Variants in TJP1 observed in about 807,000 individuals in gnomAD.
TJP1 encodes the protein tight junction protein ZO-1.
Under a neutral mutation model 194.2 loss-of-function variants are expected in TJP1, and 43 were observed. That is an observed-to-expected ratio of 0.22 (90% CI 0.17 to 0.29). TJP1 has a LOEUF of 0.29. TJP1 is among the 10% of genes least tolerant of loss of function. The pLI is 1.00. For synonymous variants in TJP1, 801 were observed against 779.0 expected, an observed-to-expected ratio of 1.03 and a Z score of -0.47; for missense variants, 1,971 against 2,185.7, an observed-to-expected ratio of 0.90 and a Z score of 1.96.
chr15:29,844,762 AT>A (rs769448377), intron 2 of TJP1, among the ~76,000 whole-genome samples: 6 of 152,182 alleles, frequency 3.9e-5, no homozygotes, highest in Non-Finnish European at 8.8e-5. Context: ...TGAGTAGGCA[AT>A]TGGTGAGATC....
intron 4 of TJP1, among the ~76,000 whole-genome samples, chr15:29,768,246 G>A (rs2151596443): frequency 6.6e-6 from 1 of 152,292 alleles, no homozygotes; most frequent in Non-Finnish European, 1.5e-5. Context: ...ATGTGAAAAG[G>A]AGGACAGCCA....
chr15:29,898,980 A>T (rs118056125), intron 2 of TJP1, among the ~76,000 whole-genome samples: 2 of 152,318 alleles, frequency 1.3e-5, no homozygotes, highest in East Asian at 3.9e-4. Flanking sequence ...GCTAATATGG[A>T]TGGTTGAAAT....
chr15:29,775,114 C>T (rs1323716057), intron 2 of TJP1, among the ~76,000 whole-genome samples: 1 of 152,150 alleles, frequency 6.6e-6, no homozygotes, highest in East Asian at 1.9e-4. Context: ...TGTCTCCACG[C>T]CATAGGGGCT....
intron 5 of TJP1, 86 bp from the exon 6 acceptor site, chr15:29,762,524 T>TA (rs1295242944): frequency 2.2e-6 from 2 of 898,806 alleles, no homozygotes; most frequent in African/African-American, 1.7e-5. Context: ...ACTAATTAAC[T>TA]ACTGCATAGA....
chr15:29,860,027 G>A (rs762830218), intron 2 of TJP1, among the ~76,000 whole-genome samples: 1 of 152,316 alleles, frequency 6.6e-6, no homozygotes, highest in African/African-American at 2.4e-5. Flanking sequence ...TCCTCAAACA[G>A]GAGCTGTGGG....
At chr15:29,821,550 G>A (rs1023685473) in intron 1 of TJP1, 2 of 152,146 alleles carry the variant, frequency 1.3e-5, no homozygotes, top group Non-Finnish European at 2.9e-5. Flanking sequence ...CGAAACTACA[G>A]GGTTTCGCCG....
At chr15:29,964,966 G>T (rs1414920077) in intron 1 of TJP1, among the ~76,000 whole-genome samples, 1 of 152,132 alleles carries the variant, frequency 6.6e-6, no homozygotes, top group Non-Finnish European at 1.5e-5. Flanking sequence ...GAGATTTGTA[G>T]AGCCAATCAG....
chr15:29,916,782 T>C (rs1389723281), intron 2 of TJP1, among the ~76,000 whole-genome samples: 1 of 152,226 alleles, frequency 6.6e-6, no homozygotes, highest in African/African-American at 2.4e-5. Context: ...ATAAATTAGA[T>C]TAAAAACTAA....
chr15:29,702,665 C>G (rs1325494183), intron 27 of TJP1, among the ~76,000 whole-genome samples: 1 of 152,174 alleles, frequency 6.6e-6, no homozygotes, highest in East Asian at 1.9e-4. Context: ...CAGCTGAGAA[C>G]TTTGCTTACA....
intron 2 of TJP1, among the ~76,000 whole-genome samples, chr15:29,895,224 T>C (rs973314432): frequency 6.6e-6 from 1 of 152,198 alleles, no homozygotes; most frequent in Non-Finnish European, 1.5e-5. Context: ...TATGGACAGG[T>C]TTAGAATTGT....
chr15:29,704,037 GC>G, intron 27 of TJP1, 124 bp downstream of exon 27: 1 of 942,288 alleles, frequency 1.1e-6, no homozygotes, highest in Non-Finnish European at 1.5e-6. Flanking sequence ...CACTGGTGAT[GC>G]CTACAAGGCC....
chr15:29,745,024 G>A (rs1405969294), intron 8 of TJP1, among the ~76,000 whole-genome samples: 1 of 152,074 alleles, frequency 6.6e-6, no homozygotes, highest in Non-Finnish European at 1.5e-5. Flanking sequence ...TCATTATTAT[G>A]CACAAATATT....
intron 2 of TJP1, among the ~76,000 whole-genome samples, chr15:29,902,537 T>C (rs1250182439): frequency 6.6e-6 from 1 of 152,224 alleles, no homozygotes; most frequent in Non-Finnish European, 1.5e-5. Flanking sequence ...ATCAGAGCTA[T>C]TCTTCATTGA....
At chr15:29,891,694 C>T (rs920358007) in intron 2 of TJP1, among the ~76,000 whole-genome samples, 2 of 152,092 alleles carry the variant, frequency 1.3e-5, no homozygotes, top group African/African-American at 4.8e-5. Context: ...TTTGATGTTA[C>T]CACTGTAATT....
At chr15:29,740,755 A>G (rs889723159) in intron 10 of TJP1, among the ~76,000 whole-genome samples, 1 of 152,208 alleles carries the variant, frequency 6.6e-6, no homozygotes, top group Non-Finnish European at 1.5e-5. Flanking sequence ...AGGTGTTAAG[A>G]TAGTAAAAAC....
At chr15:29,893,107 T>A (rs541384713) in intron 2 of TJP1, among the ~76,000 whole-genome samples, 1 of 152,262 alleles carries the variant, frequency 6.6e-6, no homozygotes, top group East Asian at 1.9e-4. Context: ...CCAACCCTCA[T>A]AGATGACTTT....
chr15:29,811,359 T>A (rs1473227154), intron 1 of TJP1, among the ~76,000 whole-genome samples: 1 of 141,578 alleles, frequency 7.1e-6, no homozygotes, highest in Non-Finnish European at 1.5e-5. Flanking sequence ...AAAAACAGAT[T>A]GTAAGGGGAA....
At chr15:29,952,809 A>G (rs2055799509) in intron 2 of TJP1, among the ~76,000 whole-genome samples, 1 of 152,196 alleles carries the variant, frequency 6.6e-6, no homozygotes, top group Non-Finnish European at 1.5e-5. Context: ...TTTTTAAATA[A>G]ATTTGTAAAA....
intron 11 of TJP1, among the ~76,000 whole-genome samples, 173 bp from the exon 12 acceptor site, chr15:29,734,555 C>T (rs1202947037): frequency 2.0e-5 from 3 of 151,172 alleles, no homozygotes; most frequent in African/African-American, 4.9e-5. Context: ...ACGATCTCAG[C>T]TCACTGCAAC....
Sources: gnomAD v4.1 joint callset for allele counts (sites outside exome capture counted in the v4.1 genomes callset) on GRCh38, gnomAD v4.1.1 for gene constraint, MANE v1.5 for transcripts, NCBI Gene and HGNC (gene_info 2026-07-23, HGNC 2026-07-21) for gene names.